PCED1B: variants seen among roughly 807,000 people sequenced by gnomAD.
PCED1B encodes PC-esterase domain containing 1B, also known as PC-esterase domain-containing protein 1B.
For missense variants in PCED1B, 573 were observed against 573.9 expected (o/e 1.00, Z 0.02); for synonymous variants, 251 against 246.1 (o/e 1.02, Z -0.19).
chr12:47,236,634 A>T lies in PCED1B; in HGVS notation c.*272A>T. The stretch of plus-strand genomic sequence containing the variant: ...TTCTCTTTGCCTTTGTGTAAAAATA[A>T]AATGGAAATAAACAAGTTGCACAGA... On this transcript the variant is annotated 3_prime_UTR_variant, in exon 4 of 4. Coordinates refer to ENST00000546455, the MANE Select transcript of PCED1B (RefSeq NM_138371.3). 1 of 365,112 alleles carries T rather than the reference A, an allele frequency of 2.7e-6. No individual in the cohort carries two copies. Among genetic ancestry groups the T allele is most frequent in the East Asian group, 4.6e-5 (1 of 21,868 alleles). 22.6% of individuals were successfully genotyped at this position (365,112 alleles called of 1,614,324 possible).
chr12:47,105,316 G>C (rs554169152), intron 2 of PCED1B, among the ~76,000 whole-genome samples: 1 of 152,296 alleles, frequency 6.6e-6, no homozygotes, highest in African/African-American at 2.4e-5. Flanking sequence ...CTTCTGACAG[G>C]CTGAAACAGG....
At chr12:47,130,564 C>T (rs1940084531) in intron 2 of PCED1B, among the ~76,000 whole-genome samples, 1 of 152,090 alleles carries the variant, frequency 6.6e-6, no homozygotes. Context: ...TGGTGCACAT[C>T]TGTAGTCCCA....
Position 47,217,470 on chromosome 12 carries a change from G to GAAAGAAAGAAAGAAAGAA in PCED1B, c.-58+782_-58+783insAAGAAAGAAAGAAAGAAA, listed in dbSNP as rs1555155044. ...AAAGAAAGAAAGAAAAAGAAAGAAAGAGAAAGAAAGAAAGAAAGAAAGAAA... is the reference window on the plus strand; with the variant it reads ...AAAGAAAGAAAGAAAAAGAAAGAAAGAAAGAAAGAAAGAAAGAAAGAAAGAAAGAAAGAAAGAAAGAAA... On this transcript the variant is annotated intron_variant, in intron 3 of 3. Transcript: ENST00000546455. 2.1e-3 allele frequency among the ~76,000 whole-genome samples: 192 copies of GAAAGAAAGAAAGAAAGAA among 90,908 alleles called. 2 individuals carry two copies. Among genetic ancestry groups the GAAAGAAAGAAAGAAAGAA allele is most frequent in the South Asian group, 5.9e-3 (15 of 2,546 alleles). 59.6% of individuals were successfully genotyped at this position (90,908 alleles called of 152,430 possible).
intron 2 of PCED1B, among the ~76,000 whole-genome samples, chr12:47,133,862 C>A (rs932196202): frequency 6.6e-6 from 1 of 152,142 alleles, no homozygotes; most frequent in Non-Finnish European, 1.5e-5. Flanking sequence ...TAGGCTCTAG[C>A]CTCATGAATG....
intron 1 of PCED1B, among the ~76,000 whole-genome samples, chr12:47,092,118 T>A (rs1156257616): frequency 6.6e-6 from 1 of 152,106 alleles, no homozygotes; most frequent in Non-Finnish European, 1.5e-5. Context: ...TAGATGAATG[T>A]ATTAATTTGG....
chr12:47,099,520 A>C (rs1026305761), intron 1 of PCED1B, among the ~76,000 whole-genome samples: 3 of 152,212 alleles, frequency 2.0e-5, no homozygotes, highest in Admixed American at 1.3e-4. Flanking sequence ...CATGTTCTAC[A>C]TATAATTTTA....
chr12:47,186,474 G>C lies in PCED1B; in HGVS notation c.-525-29748G>C, dbSNP rs551118410. Among the ~76,000 whole-genome samples the C allele has an allele frequency of 2.0e-5, 3 of 152,166 alleles. No homozygotes were observed. The East Asian group carries it at 5.8e-4, about 30-fold the overall frequency. ...TTTATGTTATCCCTTTACTGGTAGG[G>C]GGGTAGAGGGGGGCACTTTCACAAG... On this transcript the variant is annotated intron_variant, in intron 2 of 3. Coordinates refer to ENST00000546455, the MANE Select transcript of PCED1B (RefSeq NM_138371.3).
intron 2 of PCED1B, among the ~76,000 whole-genome samples, chr12:47,175,212 C>G (rs929005394): frequency 6.6e-6 from 1 of 152,050 alleles, no homozygotes; most frequent in Non-Finnish European, 1.5e-5. Context: ...CTGGCTTTAT[C>G]TTAGAATTAT....
intron 2 of PCED1B, among the ~76,000 whole-genome samples, chr12:47,177,479 T>G (rs1052621852): frequency 1.3e-5 from 2 of 152,304 alleles, no homozygotes; most frequent in East Asian, 3.9e-4. Context: ...TAACCTTTGA[T>G]GTACTTGGAG....
chr12:47,121,771 G>A (rs1917655), intron 2 of PCED1B, among the ~76,000 whole-genome samples: 33,077 of 151,794 alleles, frequency 0.22, 4,645 homozygotes, highest in Non-Finnish European at 0.31. Context: ...TGGAGCTCAC[G>A]CCTGTAATCC....
intron 2 of PCED1B, among the ~76,000 whole-genome samples, chr12:47,196,872 T>C (rs1371321083): frequency 6.6e-6 from 1 of 151,606 alleles, no homozygotes; most frequent in Non-Finnish European, 1.5e-5. Context: ...TGAAAAAATA[T>C]GAACATAAAA....
chr12:47,134,792 C>T (rs1237722661), intron 2 of PCED1B, among the ~76,000 whole-genome samples: 3 of 152,178 alleles, frequency 2.0e-5, no homozygotes, highest in Admixed American at 6.5e-5. Flanking sequence ...TGCTTGAACC[C>T]CAGAGGCAGA....
At chr12:47,130,479 C>A (rs1412645159) in intron 2 of PCED1B, among the ~76,000 whole-genome samples, 3 of 152,048 alleles carry the variant, frequency 2.0e-5, no homozygotes, top group Non-Finnish European at 4.4e-5. Flanking sequence ...GAGTTTGAGA[C>A]CAGCCTGGGC....
At chr12:47,146,662 T>C (rs886143647) in intron 2 of PCED1B, among the ~76,000 whole-genome samples, 3 of 152,212 alleles carry the variant, frequency 2.0e-5, no homozygotes, top group Non-Finnish European at 4.4e-5. Flanking sequence ...ATAAAGTATT[T>C]TTAATTAAGG....
intron 2 of PCED1B, among the ~76,000 whole-genome samples, chr12:47,189,902 C>T (rs1942390156): frequency 2.0e-5 from 3 of 152,172 alleles, no homozygotes; most frequent in African/African-American, 2.4e-5. Context: ...ACTTCTGCTG[C>T]TCCAGGCTTG....
intron 2 of PCED1B, among the ~76,000 whole-genome samples, chr12:47,164,289 C>T (rs1022765648): frequency 6.6e-6 from 1 of 151,988 alleles, no homozygotes; most frequent in East Asian, 1.9e-4. Flanking sequence ...TTTTTTAAAA[C>T]TTATTTACTT....
intron 2 of PCED1B, among the ~76,000 whole-genome samples, chr12:47,176,072 A>G (rs1941914802): frequency 6.6e-6 from 1 of 151,830 alleles, no homozygotes; most frequent in African/African-American, 2.4e-5. Flanking sequence ...TCTTTAAATA[A>G]TATTATTGCT....
intron 2 of PCED1B, among the ~76,000 whole-genome samples, chr12:47,114,139 A>C (rs534553208): frequency 5.9e-5 from 9 of 152,266 alleles, no homozygotes; most frequent in African/African-American, 2.2e-4. Flanking sequence ...ACAGGAGCAC[A>C]CTTGTACAGA....
intron 3 of PCED1B, among the ~76,000 whole-genome samples, chr12:47,224,544 C>G (rs1159282247): frequency 1.3e-5 from 2 of 152,230 alleles, no homozygotes; most frequent in African/African-American, 4.8e-5. Context: ...AATATACCCA[C>G]AGTGATTCCT....
Sources: allele counts gnomAD v4.1 joint callset (sites outside exome capture counted in the v4.1 genomes callset), GRCh38; gene constraint gnomAD v4.1.1; transcripts MANE v1.5; gene names NCBI Gene and HGNC (gene_info 2026-07-23, HGNC 2026-07-21).